Variants in DNAH11 observed in about 807,000 individuals in gnomAD.
DNAH11 encodes axonemal beta dynein heavy chain 11.
DNAH11 carries 442 observed loss-of-function variants against 526.0 expected under a neutral mutation model. The observed-to-expected ratio is 0.84, with a 90% CI of 0.78 to 0.91. The LOEUF is 0.91. Ranked by LOEUF, DNAH11 falls within the 40% of genes least tolerant of loss-of-function variation. The pLI is 0.00. For synonymous variants in DNAH11, 2,461 were observed against 1,935.9 expected, an observed-to-expected ratio of 1.27 and a Z score of -7.12; for missense variants, 6,989 against 5,448.7, an observed-to-expected ratio of 1.28 and a Z score of -8.90.
intron 20 of DNAH11, among the ~76,000 whole-genome samples, chr7:21,614,668 A>G (rs866774105): frequency 2.6e-5 from 4 of 152,320 alleles, no homozygotes; most frequent in Middle Eastern, 3.4e-3. Flanking sequence ...TCTTGAGTGC[A>G]TTTGATATTA....
intron 30 of DNAH11, among the ~76,000 whole-genome samples, chr7:21,680,166 T>C (rs1249170607): frequency 2.6e-5 from 4 of 152,188 alleles, no homozygotes; most frequent in African/African-American, 9.7e-5. Context: ...CTCAGGGAAG[T>C]TTGCAGGGTT....
chr7:21,581,768 T>A lies in DNAH11; in HGVS notation c.1594-137T>A, dbSNP rs80190848. ...AGCTCTTTCTTGAACTTCCGTAGAA[T>A]GCTGCTATGAAAAATAAATTCACTC... On this transcript the variant is annotated intron_variant, in intron 8 of 81. Coordinates refer to ENST00000409508, the MANE Select transcript of DNAH11 (RefSeq NM_001277115.2). 15,347 of 615,050 alleles carry A rather than the reference T, an allele frequency of 0.025. 272 individuals carry two copies. The highest frequency in any genetic ancestry group is 0.031 in the Non-Finnish European group (10,886 of 346,560). The allele number at this position is 615,050 out of a possible 1,614,324, so 38.1% of individuals were successfully genotyped here. A position where few individuals can be genotyped will look rare whatever the true frequency, so the allele number is the denominator to read the frequency against.
intron 30 of DNAH11, among the ~76,000 whole-genome samples, chr7:21,662,871 C>A (rs1308655131): frequency 6.6e-6 from 1 of 152,054 alleles, no homozygotes; most frequent in Non-Finnish European, 1.5e-5. Flanking sequence ...CAAGTGCAAT[C>A]TTGCTACCTG....
At chr7:21,710,069 G>A (rs562211299) in intron 40 of DNAH11, among the ~76,000 whole-genome samples, 1 of 152,270 alleles carries the variant, frequency 6.6e-6, no homozygotes, top group South Asian at 2.1e-4. Flanking sequence ...GTATCCCAGT[G>A]AACACATTTC....
chr7:21,601,703 G>A (rs1382978138), intron 18 of DNAH11, 85 bp downstream of exon 18: 4 of 1,049,926 alleles, frequency 3.8e-6, no homozygotes, highest in Non-Finnish European at 5.3e-6. Flanking sequence ...CTCTTATGAT[G>A]TCCTTATAAC....
intron 25 of DNAH11, among the ~76,000 whole-genome samples, chr7:21,633,027 A>C (rs1037958471): frequency 1.3e-5 from 2 of 152,194 alleles, no homozygotes; most frequent in African/African-American, 4.8e-5. Context: ...ACGTCTCCCA[A>C]AGTGGCAGAC....
At chr7:21,738,144 A>C (rs1172855213) in intron 46 of DNAH11, among the ~76,000 whole-genome samples, 1 of 152,222 alleles carries the variant, frequency 6.6e-6, no homozygotes, top group Non-Finnish European at 1.5e-5. Context: ...GGACTTTAAA[A>C]AAATAGACAC....
chr7:21,669,737 C>T (rs2128469012), intron 30 of DNAH11, among the ~76,000 whole-genome samples: 1 of 151,998 alleles, frequency 6.6e-6, no homozygotes, highest in Middle Eastern at 3.4e-3. Context: ...CTGTTTCTCT[C>T]AAGGTGCTTC....
At chr7:21,818,116 A>G in intron 64 of DNAH11, 101 bp from the exon 65 acceptor site, 2 of 1,211,612 alleles carry the variant, frequency 1.7e-6, no homozygotes, top group Non-Finnish European at 2.3e-6. Context: ...AGTTTGTCCC[A>G]TTTAGAATAT....
chr7:21,562,651 G>A (rs1209687961), intron 5 of DNAH11, among the ~76,000 whole-genome samples: 2 of 152,106 alleles, frequency 1.3e-5, no homozygotes, highest in African/African-American at 2.4e-5. Context: ...TTCAGGCATT[G>A]TGGAGTCACC....
chr7:21,628,933 C>T (rs1786471763), intron 25 of DNAH11, among the ~76,000 whole-genome samples: 1 of 151,964 alleles, frequency 6.6e-6, no homozygotes, highest in Admixed American at 6.6e-5. Context: ...TTATTCCCTT[C>T]CTTTTGCTAA....
At chr7:21,554,698 A>G (rs1253597509) in intron 2 of DNAH11, among the ~76,000 whole-genome samples, 2 of 152,188 alleles carry the variant, frequency 1.3e-5, no homozygotes, top group African/African-American at 4.8e-5. Flanking sequence ...TGCTAAACCC[A>G]GGGGATGTTT....
At chr7:21,841,195 A>G (rs1256708121) in intron 65 of DNAH11, among the ~76,000 whole-genome samples, 1 of 152,194 alleles carries the variant, frequency 6.6e-6, no homozygotes, top group Non-Finnish European at 1.5e-5. Context: ...CACACACAAA[A>G]AAGAATATAT....
At position 21,901,730 on chromosome 7, in the gene DNAH11, A is replaced by AAGGAAGAGGCTAG; in HGVS notation, c.*477_*489dup. ...AGCAGCAGGCCCCAGGTGAGTCCTG[A>AAGGAAGAGGCTAG]AGGAAGAGGCTAGCACTCTGTAAGG... is the stretch of plus-strand genomic sequence containing the variant. On this transcript the variant is annotated 3_prime_UTR_variant, in exon 82 of 82. Coordinates refer to ENST00000409508, the MANE Select transcript of DNAH11 (RefSeq NM_001277115.2). 6.6e-6 allele frequency: 1 copy of AAGGAAGAGGCTAG among 152,348 alleles called. No individual in the cohort carries two copies. Among genetic ancestry groups the AAGGAAGAGGCTAG allele is most frequent in the Middle Eastern group, 3.4e-3 (1 of 292 alleles). The allele number at this position is 152,348 out of a possible 1,614,324, so 9.4% of individuals were successfully genotyped here.
intron 79 of DNAH11, among the ~76,000 whole-genome samples, chr7:21,896,088 C>T (rs529513330): frequency 6.6e-6 from 1 of 152,236 alleles, no homozygotes; most frequent in Non-Finnish European, 1.5e-5. Flanking sequence ...GAACATCAAC[C>T]TCCTTCTGGT....
rs1562682254 is a variant in DNAH11 at position 21,588,510 on chromosome 7, A to G, written c.1849-2A>G. Reference sequence around the variant, plus strand: ...CCTCTTCACCAAAATATCAACTTGCAGATTGAATGTGGTCATGTAGTTCTT... The same window carrying G: ...CCTCTTCACCAAAATATCAACTTGCGGATTGAATGTGGTCATGTAGTTCTT... On this transcript the variant is annotated splice_acceptor_variant, in intron 10 of 81. Coordinates refer to ENST00000409508, the MANE Select transcript of DNAH11 (RefSeq NM_001277115.2). LOFTEE classifies it high-confidence loss of function. 1 of 1,612,982 alleles carries G rather than the reference A, an allele frequency of 6.2e-7. No homozygotes were observed. Among genetic ancestry groups the G allele is most frequent in the Non-Finnish European group, 8.5e-7 (1 of 1,179,288 alleles).
At chr7:21,844,863 G>T (rs185036475) in intron 66 of DNAH11, among the ~76,000 whole-genome samples, 1 of 152,124 alleles carries the variant, frequency 6.6e-6, no homozygotes, top group Admixed American at 6.5e-5. Context: ...TGGGATCAAG[G>T]CTGGGTATCA....
chr7:21,552,194 G>A (rs1783049432), intron 2 of DNAH11, among the ~76,000 whole-genome samples: 2 of 152,170 alleles, frequency 1.3e-5, no homozygotes, highest in Non-Finnish European at 2.9e-5. Flanking sequence ...AGAAGGGAGG[G>A]CCAGGACCAG....
chr7:21,647,213 G>A (rs1025313212), intron 28 of DNAH11, among the ~76,000 whole-genome samples: 17 of 152,008 alleles, frequency 1.1e-4, no homozygotes, highest in Non-Finnish European at 2.4e-4. Flanking sequence ...GTACAAAAGT[G>A]TAAATTCACA....
Sources: allele counts gnomAD v4.1 joint callset (sites outside exome capture counted in the v4.1 genomes callset), GRCh38; gene constraint gnomAD v4.1.1; transcripts MANE v1.5; gene names NCBI Gene and HGNC (gene_info 2026-07-23, HGNC 2026-07-21).